FAM13A: variants seen among roughly 807,000 people sequenced by gnomAD.
The protein encoded by FAM13A is family with sequence similarity 13 member A.
In FAM13A, 76 loss-of-function variants were observed where a neutral mutation model predicts 129.6. The observed-to-expected ratio is 0.59, with a 90% CI of 0.49 to 0.71. The LOEUF (loss-of-function observed/expected upper bound fraction) is 0.71. Among genes scored for constraint, FAM13A ranks in the 30% least tolerant of loss-of-function variants. The pLI is 0.00. For missense variants in FAM13A, 1,108 were observed against 1,249.3 expected (o/e 0.89, Z 1.70); for synonymous variants, 443 against 449.9 (o/e 0.98, Z 0.20).
chr4:88,967,889 G>A (rs1440580911), intron 4 of FAM13A, among the ~76,000 whole-genome samples: 2 of 152,176 alleles, frequency 1.3e-5, no homozygotes, highest in African/African-American at 4.8e-5. Context: ...CGGGTATCAC[G>A]TCTCTTAAAC....
At chr4:88,883,860 AT>A (rs1157620577) in intron 6 of FAM13A, among the ~76,000 whole-genome samples, 1 of 152,082 alleles carries the variant, frequency 6.6e-6, no homozygotes, top group African/African-American at 2.4e-5. Flanking sequence ...AATACAAAAG[AT>A]CATTGAAGGC....
intron 4 of FAM13A, among the ~76,000 whole-genome samples, chr4:88,964,096 CTAGT>C (rs1407452915): frequency 1.3e-5 from 2 of 152,282 alleles, no homozygotes; most frequent in Non-Finnish European, 2.9e-5. Context: ...TGCAATCTGC[CTAGT>C]TAGATTAGGC....
chr4:88,883,820 G>A (rs190887506), intron 6 of FAM13A, among the ~76,000 whole-genome samples: 88 of 101,900 alleles, frequency 8.6e-4, no homozygotes, highest in South Asian at 1.2e-3. Context: ...TAAATGAAAC[G>A]AGAGGTATTA....
chr4:89,046,628 C>T (rs930152167), intron 1 of FAM13A, among the ~76,000 whole-genome samples: 1 of 152,132 alleles, frequency 6.6e-6, no homozygotes, highest in African/African-American at 2.4e-5. Context: ...GACAGGCAGA[C>T]TGCTTGAGCC....
In FAM13A at chr4:88,726,591, T is replaced by G. The variant is rs916750768; in HGVS notation, c.*1942A>C. On this transcript the variant is annotated 3_prime_UTR_variant, in exon 24 of 24. Coordinates refer to ENST00000264344, the MANE Select transcript of FAM13A (RefSeq NM_014883.4). ...CTAACTGGTAATGATCTGATTAATA[T>G]CATAGCTTATTTAAGAGAGCTATTA... 6.6e-6 allele frequency: 1 copy of G among 152,626 alleles called. No individual in the cohort carries two copies. The highest frequency in any genetic ancestry group is 1.5e-5 in the Non-Finnish European group (1 of 68,038). The allele number at this position is 152,626 out of a possible 1,614,324, so 9.5% of individuals were successfully genotyped here. A position where few individuals can be genotyped will look rare whatever the true frequency, so the allele number is the denominator to read the frequency against.
intron 7 of FAM13A, among the ~76,000 whole-genome samples, chr4:88,836,110 T>C (rs756091421): frequency 6.6e-6 from 1 of 152,150 alleles, no homozygotes; most frequent in Non-Finnish European, 1.5e-5. Flanking sequence ...CCATATCCAG[T>C]GTTTAACAAA....
Position 89,056,867 on chromosome 4 carries a change from A to G in FAM13A, c.27+71T>C, listed in dbSNP as rs1229090025. On this transcript the variant is annotated intron_variant, in intron 1 of 23. Coordinates refer to ENST00000264344, the MANE Select transcript of FAM13A (RefSeq NM_014883.4). ...ATAAGTTACACAAACATCTCATCAA[A>G]ACAAGGAAGGCAAGGCCCTCTCCTA... 3.5e-6 allele frequency: 5 copies of G among 1,444,938 alleles called. No homozygotes were observed. The African/African-American group carries it at 5.7e-5, about 17-fold the overall frequency. The allele number at this position is 1,444,938 out of a possible 1,614,324, so 89.5% of individuals were successfully genotyped here.
At chr4:88,970,525 TTGATA>T (rs1759937496) in intron 4 of FAM13A, among the ~76,000 whole-genome samples, 2 of 151,434 alleles carry the variant, frequency 1.3e-5, no homozygotes, top group Non-Finnish European at 2.9e-5. Flanking sequence ...GATGATATAT[TTGATA>T]TATCTATATA....
At chr4:88,879,179 C>T (rs1743117175) in intron 6 of FAM13A, among the ~76,000 whole-genome samples, 1 of 152,132 alleles carries the variant, frequency 6.6e-6, no homozygotes, top group African/African-American at 2.4e-5. Context: ...AGAGCTTTAG[C>T]ACTTAAGAAA....
chr4:88,781,349 C>T lies in FAM13A; in HGVS notation c.1274G>A (p.Gly425Glu). The part of the protein sequence containing the change: ...QDEVRHGRDK[G>E]LINKENTPSG... ...AGGAGTATTTTCTTTGTTGATAAGT[C>T]CCCTTGAATTGAGAAAAAAGCTTAA... The change falls in exon 11 of 24, where the codon GGA becomes GAA. Residue 425 changes from glycine (G) to glutamate (E), a missense_variant and splice_region_variant. Gly to Glu is a moderately conservative substitution (Grantham distance 98). Coordinates refer to ENST00000264344, the MANE Select transcript of FAM13A (RefSeq NM_014883.4). 2 of 1,583,834 alleles carry T rather than the reference C, an allele frequency of 1.3e-6. No homozygotes were observed. The highest frequency in any genetic ancestry group is 1.7e-6 in the Non-Finnish European group (2 of 1,166,554).
intron 8 of FAM13A, among the ~76,000 whole-genome samples, chr4:88,803,086 G>A (rs1044451637): frequency 1.3e-5 from 2 of 152,168 alleles, no homozygotes; most frequent in South Asian, 2.1e-4. Flanking sequence ...TCCGCTCCAT[G>A]GCTGCTTGTG....
chr4:89,049,262 C>CA (rs934276383), intron 1 of FAM13A, among the ~76,000 whole-genome samples: 48 of 140,032 alleles, frequency 3.4e-4, no homozygotes, highest in Middle Eastern at 3.6e-3. Context: ...GACCCTAACT[C>CA]AAAAAAAAAA....
At chr4:88,861,708 G>A (rs545630017) in intron 6 of FAM13A, among the ~76,000 whole-genome samples, 5 of 152,142 alleles carry the variant, frequency 3.3e-5, no homozygotes, top group South Asian at 2.1e-4. Context: ...CAAGAAAAGA[G>A]GCACATGGAC....
rs181860898 is a variant in FAM13A at position 88,797,155 on chromosome 4, G to T, written c.1050-6528C>A. Among the ~76,000 whole-genome samples the T allele has an allele frequency of 2.1e-3, 317 of 151,668 alleles. 1 individual carries two copies. Among genetic ancestry groups the T allele is most frequent in the Non-Finnish European group, 2.9e-3 (200 of 67,954 alleles). On this transcript the variant is annotated intron_variant, in intron 8 of 23. Transcript: ENST00000264344. ...TTTTAAATTTATCTCTCAATTAGCTGGGCACACACTATACTTGTATTTTAC... is the reference window on the plus strand; with the variant it reads ...TTTTAAATTTATCTCTCAATTAGCTTGGCACACACTATACTTGTATTTTAC...
At chr4:88,836,885 G>A (rs554669563) in intron 7 of FAM13A, among the ~76,000 whole-genome samples, 3 of 151,928 alleles carry the variant, frequency 2.0e-5, no homozygotes, top group East Asian at 2.0e-4. Context: ...ACTTGAACCC[G>A]GGAGGTGGAG....
In FAM13A at chr4:88,758,906, A is replaced by G; in HGVS notation, c.1579-5T>C. 1 of 1,612,986 alleles carries G rather than the reference A, an allele frequency of 6.2e-7. No individual in the cohort carries two copies. The highest frequency in any genetic ancestry group is 8.5e-7 in the Non-Finnish European group (1 of 1,179,424). On this transcript the variant is annotated splice_region_variant and splice_polypyrimidine_tract_variant and intron_variant, in intron 13 of 23. Coordinates refer to ENST00000264344, the MANE Select transcript of FAM13A (RefSeq NM_014883.4). ...CTGGATCTTCATTGTGGGGCTCTGC[A>G]ATAACAGCACAATGTCCCCAAATAT...
At chr4:88,823,976 G>A (rs1011760105) in intron 7 of FAM13A, among the ~76,000 whole-genome samples, 1 of 152,140 alleles carries the variant, frequency 6.6e-6, no homozygotes, top group African/African-American at 2.4e-5. Flanking sequence ...AACATCAACA[G>A]CATTTTGGGG....
At chr4:88,857,261 A>G (rs1738679512) in intron 6 of FAM13A, among the ~76,000 whole-genome samples, 1 of 152,224 alleles carries the variant, frequency 6.6e-6, no homozygotes, top group South Asian at 2.1e-4. Flanking sequence ...TCTGTATTTT[A>G]GCATAACTCA....
Position 89,057,104 on chromosome 4 carries a change from G to GGCCCCA in FAM13A, c.-141_-140insTGGGGC, listed in dbSNP as rs1772289341. On this transcript the variant is annotated 5_prime_UTR_variant, in exon 1 of 24. Transcript: ENST00000264344. ...ATGCAAAGGCCCCAAGGTAAGCGAAGAGCAGCTTCTAACATTTTAGGAAGA... is the reference window on the plus strand; with the variant it reads ...ATGCAAAGGCCCCAAGGTAAGCGAAGGCCCCAAGCAGCTTCTAACATTTTAGGAAGA... 1.2e-5 allele frequency: 18 copies of GGCCCCA among 1,483,048 alleles called. No homozygotes were observed. The highest frequency in any genetic ancestry group is 1.5e-5 in the Non-Finnish European group (17 of 1,119,976). The allele number at this position is 1,483,048 out of a possible 1,614,324, so 91.9% of individuals were successfully genotyped here.
Sources: allele counts gnomAD v4.1 joint callset (sites outside exome capture counted in the v4.1 genomes callset), GRCh38; gene constraint gnomAD v4.1.1; transcripts MANE v1.5; gene names NCBI Gene and HGNC (gene_info 2026-07-23, HGNC 2026-07-21).